Variants in EPRS1 observed in about 807,000 individuals in gnomAD.
EPRS1 encodes bifunctional glutamate/proline--tRNA ligase.
EPRS1 carries 107 observed loss-of-function variants against 188.3 expected under a neutral mutation model. That is an observed-to-expected ratio of 0.57 (90% confidence interval 0.49 to 0.67). The LOEUF (loss-of-function observed/expected upper bound fraction) is 0.67. Ranked by LOEUF, EPRS1 falls within the 30% of genes least tolerant of loss-of-function variation. EPRS1 has a pLI of 0.00. For synonymous variants in EPRS1, 596 were observed against 593.1 expected (o/e 1.00, Z -0.07); for missense variants, 1,577 against 1,802.2 (o/e 0.88, Z 2.26).
intron 18 of EPRS1, among the ~76,000 whole-genome samples, chr1:219,995,681 T>C (rs993381141): frequency 1.3e-5 from 2 of 152,176 alleles, no homozygotes; most frequent in African/African-American, 4.8e-5. Flanking sequence ...CGCAATTACT[T>C]TTGCACTGAC....
At chr1:219,991,227 TAAAAA>T (rs61141405) in intron 18 of EPRS1, among the ~76,000 whole-genome samples, 1 of 123,622 alleles carries the variant, frequency 8.1e-6, no homozygotes, top group African/African-American at 3.0e-5. Context: ...GGAGTGACCT[TAAAAA>T]AAAAAAAAAA....
chr1:219,983,399 CT>C lies in EPRS1; in HGVS notation c.3091-2del, dbSNP rs1173138490. Reference sequence around the variant, plus strand: ...CAATCATTTCTGACTTTGTGATGACCTTTTTAAAAGAAAAATAGTCTTTAAA... The same window carrying C: ...CAATCATTTCTGACTTTGTGATGACCTTTTAAAAGAAAAATAGTCTTTAAA... On this transcript the variant is annotated splice_acceptor_variant, in intron 21 of 31. Coordinates refer to ENST00000366923, the MANE Select transcript of EPRS1 (RefSeq NM_004446.3). LOFTEE classifies it high-confidence loss of function. 6 of 1,604,776 alleles carry C rather than the reference CT, an allele frequency of 3.7e-6. No individual in the cohort carries two copies. Among genetic ancestry groups the C allele is most frequent in the Non-Finnish European group, 5.1e-6 (6 of 1,175,130 alleles).
intron 20 of EPRS1, among the ~76,000 whole-genome samples, chr1:219,986,903 C>T (rs1269162745): frequency 6.6e-6 from 1 of 151,776 alleles, no homozygotes; most frequent in Admixed American, 6.6e-5. Flanking sequence ...TGGGGAAAAC[C>T]GGAAAGATGG....
chr1:220,029,242 G>A (rs745419526), intron 6 of EPRS1, among the ~76,000 whole-genome samples: 1 of 151,920 alleles, frequency 6.6e-6, no homozygotes, highest in African/African-American at 2.4e-5. Flanking sequence ...AACCATGTAA[G>A]GTAAGTATTA....
chr1:220,032,329 G>A (rs555716159), intron 5 of EPRS1, 58 bp downstream of exon 5: 55 of 1,413,862 alleles, frequency 3.9e-5, no homozygotes, highest in East Asian at 3.4e-4. Context: ...CTTGTGATCC[G>A]CCCGCCTCAG....
intron 18 of EPRS1, among the ~76,000 whole-genome samples, chr1:219,991,789 T>G (rs1661128752): frequency 6.6e-6 from 1 of 152,144 alleles, no homozygotes; most frequent in Admixed American, 6.6e-5. Flanking sequence ...GGCTGATTCG[T>G]TTACCTAAAT....
rs1003687139 is a variant in EPRS1, at chr1:219,981,788, T to G, written c.3374-331A>C. Among the ~76,000 whole-genome samples the G allele has an allele frequency of 4.1e-4, 62 of 152,248 alleles. 1 individual carries two copies. Among genetic ancestry groups the G allele is most frequent in the Non-Finnish European group, 1.2e-4 (8 of 68,042 alleles). On this transcript the variant is annotated intron_variant, in intron 23 of 31. Transcript: ENST00000366923. ...AAACACAAATAAAGGTCATGTTCTA[T>G]GTTAAGTTCTCTGCATTCATTGACC...
intron 18 of EPRS1, among the ~76,000 whole-genome samples, chr1:219,990,637 C>T (rs767109520): frequency 6.6e-6 from 1 of 152,114 alleles, no homozygotes; most frequent in African/African-American, 2.4e-5. Flanking sequence ...CTAAGGATTA[C>T]AGAAAACAAA....
At position 219,988,636 on chromosome 1, in the gene EPRS1, G is replaced by A. The variant is rs1157099824; in HGVS notation, c.2729C>T (p.Ser910Phe). 1.9e-6 allele frequency: 3 copies of A among 1,613,904 alleles called. No homozygotes were observed. The highest frequency in any genetic ancestry group is 2.5e-6 in the Non-Finnish European group (3 of 1,179,880). ...EAKVLFDKVA[S>F]QGEVVRKLKT... is the part of the protein sequence containing the mutation. ...AAGTTTCCGAACTACTTCCCCTTGA[G>A]AAGCTACTTTGTCAAAAAGTACTTT... The change falls in exon 19 of 32, where the codon TCT becomes TTT. Residue 910 changes from serine to phenylalanine, a missense_variant. By Grantham distance (155) the Ser-to-Phe change is radical. Around this residue, in one of 3 missense-constraint regions of EPRS1, gnomAD observed 1,278 missense variants for 1,457.4 expected, o/e 0.88. Coordinates refer to ENST00000366923, the MANE Select transcript of EPRS1 (RefSeq NM_004446.3).
chr1:220,029,099 ATG>A (rs1385668476), intron 6 of EPRS1, among the ~76,000 whole-genome samples: 1 of 152,204 alleles, frequency 6.6e-6, no homozygotes, highest in African/African-American at 2.4e-5. Context: ...GCAGCTAAAA[ATG>A]GCCACTGCCA....
chr1:220,017,547 G>T (rs540925813), intron 12 of EPRS1, among the ~76,000 whole-genome samples: 1 of 152,008 alleles, frequency 6.6e-6, no homozygotes, highest in Admixed American at 6.5e-5. Context: ...AACTAAACAC[G>T]AAAGACCAAA....
chr1:220,002,220 T>C (rs1258227404), intron 16 of EPRS1, among the ~76,000 whole-genome samples: 2 of 151,382 alleles, frequency 1.3e-5, no homozygotes. Flanking sequence ...TAATCCCAGC[T>C]ACTTTGGAGG....
intron 12 of EPRS1, among the ~76,000 whole-genome samples, chr1:220,016,935 C>T (rs916159485): frequency 1.3e-5 from 2 of 151,978 alleles, no homozygotes; most frequent in Admixed American, 1.3e-4. Flanking sequence ...AAGCAACAGG[C>T]CGGACACAGT....
chr1:220,010,327 AT>A (rs1478269092), intron 13 of EPRS1, among the ~76,000 whole-genome samples: 1 of 152,074 alleles, frequency 6.6e-6, no homozygotes, highest in Non-Finnish European at 1.5e-5. Flanking sequence ...ATCTTTCAGG[AT>A]TACTCTAGGA....
intron 2 of EPRS1, among the ~76,000 whole-genome samples, chr1:220,038,819 C>T (rs964375957): frequency 9.2e-5 from 14 of 152,062 alleles, no homozygotes; most frequent in African/African-American, 2.9e-4. Flanking sequence ...AGAAACAGAG[C>T]GGCACAGGAA....
chr1:220,029,282 C>T (rs1262143153), intron 6 of EPRS1, among the ~76,000 whole-genome samples: 1 of 152,088 alleles, frequency 6.6e-6, no homozygotes, highest in African/African-American at 2.4e-5. Context: ...AGTCAATTAC[C>T]AATCAACCAT....
Position 220,018,458 on chromosome 1 carries a change from A to G in EPRS1, c.1485T>C (p.Phe495=), listed in dbSNP as rs890844764. 4 of 1,610,856 alleles carry G rather than the reference A, an allele frequency of 2.5e-6. No homozygotes were observed. The highest frequency in any genetic ancestry group is 3.4e-6 in the Non-Finnish European group (4 of 1,177,974). ...VNMEWDKIWA[F]NKKVIDPVAP... is the part of the protein sequence containing the mutation. ...GAGTTAACATACATACCTTTTTGTT[A>G]AACGCCCAGATTTTGTCCCACTCCA... The change falls in exon 12 of 32, where the codon TTT becomes TTC. Residue 495 remains phenylalanine, a synonymous_variant. Coordinates refer to ENST00000366923, the MANE Select transcript of EPRS1 (RefSeq NM_004446.3).
intron 23 of EPRS1, 111 bp downstream of exon 23, chr1:219,982,661 A>G: frequency 1.3e-6 from 1 of 785,280 alleles, no homozygotes; most frequent in South Asian, 1.7e-5. Context: ...ATGAAATGTT[A>G]TATCGTCAAC....
intron 13 of EPRS1, 61 bp from the exon 14 acceptor site, chr1:220,007,399 A>G: frequency 6.7e-7 from 1 of 1,491,896 alleles, no homozygotes; most frequent in Non-Finnish European, 9.2e-7. Flanking sequence ...CCCAGTATGC[A>G]AATTTATACA....
Sources: allele counts gnomAD v4.1 joint callset (sites outside exome capture counted in the v4.1 genomes callset), GRCh38; gene constraint gnomAD v4.1.1; regional missense constraint gnomAD v4.1.1; transcripts MANE v1.5; gene names NCBI Gene and HGNC (gene_info 2026-07-23, HGNC 2026-07-21).